The following AGTPBP1 variants were observed in gnomAD, a reference collection of about 807,000 sequenced individuals.
AGTPBP1 encodes cytosolic carboxypeptidase 1.
Under a neutral mutation model 143.9 loss-of-function variants are expected in AGTPBP1, and 70 were observed. The observed-to-expected ratio is 0.49, with a 90% CI of 0.40 to 0.59. The LOEUF (loss-of-function observed/expected upper bound fraction) is 0.59, where lower values mean the gene tolerates loss of function less well. Among genes scored for constraint, AGTPBP1 ranks in the 20% least tolerant of loss-of-function variants. AGTPBP1 has a pLI of 0.00. For missense variants in AGTPBP1, 1,229 were observed against 1,464.5 expected, an observed-to-expected ratio of 0.84 and a Z score of 2.62; for synonymous variants, 463 against 500.2, an observed-to-expected ratio of 0.93 and a Z score of 0.99.
In AGTPBP1 at chr9:85,655,299, G is replaced by C. The variant is rs751106496; in HGVS notation, c.931C>G (p.Leu311Val). 1 of 1,554,594 alleles carries C rather than the reference G, an allele frequency of 6.4e-7. No individual in the cohort carries two copies. Among genetic ancestry groups the C allele is most frequent in the Non-Finnish European group, 8.7e-7 (1 of 1,149,310 alleles). ...CTGGAGGTATTGACAAGAGGATCCA[G>C]AGTCCTGACTGCCAGACATTCCTGT... is the stretch of plus-strand genomic sequence containing the variant. ...TSQECLAVRT[L>V]DPLVNTSSLI... is the part of the protein sequence containing the mutation. The change falls in exon 11 of 26, where the codon CTG (leucine) becomes GTG (valine). Residue 311 changes from leucine (L) to valine (V), a missense_variant. Leu to Val is a conservative substitution (Grantham distance 32). Around this residue, in one of 2 missense-constraint regions of AGTPBP1, gnomAD observed 743 missense variants for 812.2 expected, o/e 0.91. Transcript: ENST00000357081.
rs966281443 is a variant in AGTPBP1, at chr9:85,732,574, A to G, written c.-34+9201T>C. On this transcript the variant is annotated intron_variant, in intron 1 of 25. Coordinates refer to ENST00000357081, the MANE Select transcript of AGTPBP1 (RefSeq NM_001330701.2). ...AAAATATATAAAATATGAGGAATAAAAACAGCTAATATGGCATATAAAAAA... is the reference window on the plus strand; with the variant it reads ...AAAATATATAAAATATGAGGAATAAGAACAGCTAATATGGCATATAAAAAA... 5.3e-5 allele frequency among the ~76,000 whole-genome samples: 8 copies of G among 152,196 alleles called. No homozygotes were observed. The South Asian group carries it at 6.2e-4, about 12-fold the overall frequency.
intron 15 of AGTPBP1, among the ~76,000 whole-genome samples, chr9:85,620,690 G>T (rs1181000298): frequency 6.6e-6 from 1 of 152,008 alleles, no homozygotes; most frequent in Non-Finnish European, 1.5e-5. Flanking sequence ...ACAAAAAAAG[G>T]CATTCCAAAG....
intron 13 of AGTPBP1, among the ~76,000 whole-genome samples, chr9:85,636,591 G>C (rs1832069690): frequency 6.6e-6 from 1 of 151,860 alleles, no homozygotes. Context: ...ATGAGACAAA[G>C]CCAAAAAGAG....
the AGTPBP1 span, among the ~76,000 whole-genome samples, chr9:85,778,552 G>A: frequency 4.6e-5 from 7 of 152,192 alleles, no homozygotes; most frequent in Non-Finnish European, 1.0e-4. Flanking sequence ...GCCTTCTCCT[G>A]TTGTGGACCC....
the AGTPBP1 span, chr9:85,764,963 A>G: frequency 1.1e-4 from 88 of 784,882 alleles, no homozygotes; most frequent in Middle Eastern, 1.1e-3. Context: ...GTGCTGTATG[A>G]TGGATCACTT....
At chr9:85,766,037 C>T in the AGTPBP1 span, among the ~76,000 whole-genome samples, 1 of 151,280 alleles carries the variant, frequency 6.6e-6, no homozygotes, top group Non-Finnish European at 1.5e-5. Flanking sequence ...GATTTGAAGA[C>T]ATGAGAGCCT....
the AGTPBP1 span, among the ~76,000 whole-genome samples, chr9:85,752,521 T>C: frequency 6.6e-6 from 1 of 152,218 alleles, no homozygotes; most frequent in Non-Finnish European, 1.5e-5. Context: ...TGTGTAACAC[T>C]CACGAAGAAT....
chr9:85,562,860 C>T (rs1489617383), intron 25 of AGTPBP1, among the ~76,000 whole-genome samples: 1 of 152,094 alleles, frequency 6.6e-6, no homozygotes, highest in Non-Finnish European at 1.5e-5. Context: ...AATCCTAATT[C>T]CCAAGGTGAT....
At chr9:85,629,476 A>T (rs1267101271) in intron 14 of AGTPBP1, among the ~76,000 whole-genome samples, 1 of 152,210 alleles carries the variant, frequency 6.6e-6, no homozygotes, top group East Asian at 1.9e-4. Flanking sequence ...AGAGGGAGTG[A>T]AGCTTGGAAC....
chr9:85,784,973 C>A, the AGTPBP1 span, among the ~76,000 whole-genome samples: 4 of 152,190 alleles, frequency 2.6e-5, no homozygotes, highest in Non-Finnish European at 5.9e-5. Context: ...GCCAAGCAAA[C>A]CATGTCTATG....
At chr9:85,573,279 T>C (rs968338453) in intron 25 of AGTPBP1, among the ~76,000 whole-genome samples, 63 of 152,162 alleles carry the variant, frequency 4.1e-4, no homozygotes, top group African/African-American at 1.4e-3. Flanking sequence ...GGTTTTCATA[T>C]TTTTTTGGTG....
intron 18 of AGTPBP1, 60 bp downstream of exon 18, chr9:85,596,302 G>T (rs1829295442): frequency 2.6e-6 from 3 of 1,134,444 alleles, no homozygotes; most frequent in Admixed American, 2.1e-5. Flanking sequence ...ACTGAAACAG[G>T]ATGTACTTAA....
At chr9:85,774,071 T>C in the AGTPBP1 span, 11 of 1,346,296 alleles carry the variant, frequency 8.2e-6, no homozygotes, top group Admixed American at 1.7e-4. Flanking sequence ...GTAAAGTTGA[T>C]GTGTAGGTGT....
At position 85,710,150 on chromosome 9, in the gene AGTPBP1, TA is replaced by T. The variant is rs561828228; in HGVS notation, c.32+2351del. 2.8e-3 allele frequency among the ~76,000 whole-genome samples: 429 copies of T among 152,272 alleles called. 3 individuals are homozygous for T. The highest frequency in any genetic ancestry group is 0.022 in the South Asian group (105 of 4,824). On this transcript the variant is annotated intron_variant, in intron 2 of 25. Transcript: ENST00000357081. ...TCTTTATCAGTTTACAGGCTTTGTGTAAAAAGAGAATAGGGCTCTTTTTTTT... is the reference window on the plus strand; with the variant it reads ...TCTTTATCAGTTTACAGGCTTTGTGTAAAAGAGAATAGGGCTCTTTTTTTT...
the AGTPBP1 span, among the ~76,000 whole-genome samples, chr9:85,782,729 T>C: frequency 6.6e-6 from 1 of 152,154 alleles, no homozygotes; most frequent in Non-Finnish European, 1.5e-5. Flanking sequence ...GCTGGTTCAG[T>C]ATTCCAAGAT....
chr9:85,736,246 T>A (rs1823759930), intron 1 of AGTPBP1, among the ~76,000 whole-genome samples: 1 of 152,232 alleles, frequency 6.6e-6, no homozygotes, highest in South Asian at 2.1e-4. Flanking sequence ...TAAGAAACTT[T>A]CTGTGAATAA....
intron 14 of AGTPBP1, among the ~76,000 whole-genome samples, chr9:85,626,879 T>C (rs1050331613): frequency 6.6e-6 from 1 of 152,234 alleles, no homozygotes; most frequent in Non-Finnish European, 1.5e-5. Context: ...TTCCTCTCAA[T>C]TGTTTTAACC....
intron 10 of AGTPBP1, among the ~76,000 whole-genome samples, chr9:85,656,656 ACAGT>A (rs1393468875): frequency 3.3e-5 from 5 of 152,260 alleles, no homozygotes; most frequent in Non-Finnish European, 5.9e-5. Flanking sequence ...CCCATGGCTG[ACAGT>A]CAGCACAGCA....
chr9:85,580,900 G>A (rs1264276267), intron 23 of AGTPBP1, among the ~76,000 whole-genome samples: 1 of 152,164 alleles, frequency 6.6e-6, no homozygotes, highest in Non-Finnish European at 1.5e-5. Flanking sequence ...AAGTTGCTAT[G>A]TAGTGTTTAA....
Sources: allele counts gnomAD v4.1 joint callset (sites outside exome capture counted in the v4.1 genomes callset), GRCh38; gene constraint gnomAD v4.1.1; regional missense constraint gnomAD v4.1.1; transcripts MANE v1.5; gene names NCBI Gene and HGNC (gene_info 2026-07-23, HGNC 2026-07-21).